FAM168A: variants seen among roughly 807,000 people sequenced by gnomAD.
The protein encoded by FAM168A is family with sequence similarity 168 member A, also known as protein FAM168A.
Under a neutral mutation model 28.5 loss-of-function variants are expected in FAM168A, and 3 were observed. That is an observed-to-expected ratio of 0.11 (90% CI 0.05 to 0.27). FAM168A has a LOEUF of 0.27. Ranked by LOEUF, FAM168A falls within the 10% of genes least tolerant of loss-of-function variation. The pLI, the probability that FAM168A is intolerant of heterozygous loss-of-function variation, is 1.00. For synonymous variants in FAM168A, 122 were observed against 124.2 expected, an observed-to-expected ratio of 0.98 and a Z score of 0.12; for missense variants, 222 against 311.5, an observed-to-expected ratio of 0.71 and a Z score of 2.16.
chr11:73,530,554 C>T (rs529096467), intron 1 of FAM168A, among the ~76,000 whole-genome samples: 27 of 152,288 alleles, frequency 1.8e-4, no homozygotes, highest in Admixed American at 4.6e-4. Flanking sequence ...CCATACTCTC[C>T]TCTGAGGTCT....
At chr11:73,592,138 A>T (rs1328136584) in intron 1 of FAM168A, among the ~76,000 whole-genome samples, 2 of 152,206 alleles carry the variant, frequency 1.3e-5, no homozygotes, top group African/African-American at 4.8e-5. Flanking sequence ...TGTGAAAAAT[A>T]TATCATCTCA....
intron 2 of FAM168A, among the ~76,000 whole-genome samples, chr11:73,453,774 A>G (rs988466546): frequency 5.3e-5 from 8 of 152,172 alleles, no homozygotes; most frequent in African/African-American, 1.9e-4. Context: ...CGCAACAGAA[A>G]CCATTCCAAT....
intron 1 of FAM168A, among the ~76,000 whole-genome samples, chr11:73,558,469 TAAAAA>T (rs367874557): frequency 9.3e-5 from 7 of 75,580 alleles, no homozygotes; most frequent in South Asian, 4.7e-4. Context: ...ACCCTGTCTC[TAAAAA>T]AAAAAAAAAA....
At position 73,431,589 on chromosome 11, in the gene FAM168A, T is replaced by C. The variant is rs1244757450; in HGVS notation, c.71-819A>G. 2.6e-5 allele frequency among the ~76,000 whole-genome samples: 4 copies of C among 152,146 alleles called. No homozygotes were observed. The East Asian group carries it at 5.8e-4, about 22-fold the overall frequency. On this transcript the variant is annotated intron_variant, in intron 2 of 7. Transcript: ENST00000356467. ...GGAAATGAGAGCTACTTTGCAACAT[T>C]TGCCAACTGCCATGGCATAAATGCT...
At chr11:73,470,139 T>A (rs1565260005) in intron 1 of FAM168A, among the ~76,000 whole-genome samples, 1 of 152,288 alleles carries the variant, frequency 6.6e-6, no homozygotes, top group Non-Finnish European at 1.5e-5. Flanking sequence ...CTCGAACTCC[T>A]GACCTCGTGA....
At chr11:73,571,901 A>C (rs1365482142) in intron 1 of FAM168A, among the ~76,000 whole-genome samples, 8 of 126,510 alleles carry the variant, frequency 6.3e-5, no homozygotes, top group East Asian at 2.6e-4. Context: ...CCACCGCCCC[A>C]CCGCCCCGTC....
chr11:73,513,584 A>G (rs1196557759), intron 1 of FAM168A, among the ~76,000 whole-genome samples: 1 of 152,086 alleles, frequency 6.6e-6, no homozygotes, highest in Non-Finnish European at 1.5e-5. Context: ...CACCCTAGAA[A>G]TCTCATGTTG....
chr11:73,545,176 C>CCA (rs1481224913), intron 1 of FAM168A, among the ~76,000 whole-genome samples: 1 of 148,134 alleles, frequency 6.8e-6, no homozygotes, highest in African/African-American at 2.5e-5. Context: ...TAGACATGCA[C>CCA]CACCACATCC....
chr11:73,566,131 G>A (rs1944018195), intron 1 of FAM168A, among the ~76,000 whole-genome samples: 1 of 152,100 alleles, frequency 6.6e-6, no homozygotes, highest in African/African-American at 2.4e-5. Flanking sequence ...CAGAACAGAT[G>A]GTTTAAATGC....
At chr11:73,425,117 C>T in intron 3 of FAM168A, 1 of 1,169,116 alleles carries the variant, frequency 8.6e-7, no homozygotes, top group Non-Finnish European at 1.2e-6. Context: ...ATTGCAGTTA[C>T]ATAAACAGAC....
intron 1 of FAM168A, among the ~76,000 whole-genome samples, chr11:73,592,966 C>T (rs77618699): frequency 0.068 from 10,320 of 151,502 alleles, 1,017 homozygotes; most frequent in African/African-American, 0.22. Flanking sequence ...ATCATGAGCA[C>T]ACATTATTTA....
At chr11:73,518,963 T>C (rs1943338981) in intron 1 of FAM168A, among the ~76,000 whole-genome samples, 1 of 152,160 alleles carries the variant, frequency 6.6e-6, no homozygotes, top group Non-Finnish European at 1.5e-5. Flanking sequence ...CTTCCCCTTC[T>C]GCCATGAGTG....
chr11:73,589,147 T>C (rs1025735772), intron 1 of FAM168A, among the ~76,000 whole-genome samples: 3 of 152,212 alleles, frequency 2.0e-5, no homozygotes, highest in African/African-American at 7.2e-5. Context: ...ACTAAGATAT[T>C]CAGTGAACCA....
chr11:73,557,766 T>C (rs544250173), intron 1 of FAM168A, among the ~76,000 whole-genome samples: 1 of 152,056 alleles, frequency 6.6e-6, no homozygotes, highest in South Asian at 2.1e-4. Flanking sequence ...ATTTCAAAAT[T>C]CACTATAAAA....
Position 73,555,839 on chromosome 11 carries a change from C to A in FAM168A, c.-19+42084G>T, listed in dbSNP as rs567363055. On this transcript the variant is annotated intron_variant, in intron 1 of 7. Coordinates refer to ENST00000356467, the MANE Select transcript of FAM168A (RefSeq NM_015159.3). ...CCTGGCAAGGCTTCCAAAGAGGGAA[C>A]CATTCTTATCAACAGAATGTAACCT... is the stretch of plus-strand genomic sequence containing the variant. Among the ~76,000 whole-genome samples the A allele has an allele frequency of 2.6e-5, 4 of 152,236 alleles. No homozygotes were observed. The South Asian group carries it at 8.3e-4, about 32-fold the overall frequency.
At chr11:73,588,422 G>A (rs778200727) in intron 1 of FAM168A, among the ~76,000 whole-genome samples, 17 of 152,114 alleles carry the variant, frequency 1.1e-4, no homozygotes, top group Non-Finnish European at 2.2e-4. Context: ...CAGGTGCGGT[G>A]GCCCACATCT....
At chr11:73,419,531 G>A (rs1277753892) in intron 4 of FAM168A, among the ~76,000 whole-genome samples, 1 of 152,008 alleles carries the variant, frequency 6.6e-6, no homozygotes, top group South Asian at 2.1e-4. Context: ...CTGTGCTAGA[G>A]GGGGGAGCCC....
intron 1 of FAM168A, chr11:73,580,220 C>G: frequency 2.0e-6 from 1 of 503,904 alleles, no homozygotes. Context: ...CGCCCAGTGC[C>G]TACGTCCCGC....
chr11:73,507,903 C>T (rs1048443545), intron 1 of FAM168A, among the ~76,000 whole-genome samples: 11 of 145,128 alleles, frequency 7.6e-5, no homozygotes, highest in African/African-American at 2.5e-4. Context: ...TCTGGGTATT[C>T]ACAGGGGATC....
Sources: gnomAD v4.1 joint callset for allele counts (sites outside exome capture counted in the v4.1 genomes callset) on GRCh38, gnomAD v4.1.1 for gene constraint, MANE v1.5 for transcripts, NCBI Gene and HGNC (gene_info 2026-07-23, HGNC 2026-07-21) for gene names.